The following HID1 variants were observed in gnomAD, a reference collection of about 807,000 sequenced individuals.
HID1 encodes the protein protein HID1.
HID1 carries 42 observed loss-of-function variants against 89.7 expected under a neutral mutation model. The observed-to-expected ratio is 0.47, with a 90% confidence interval of 0.37 to 0.61. HID1 has a LOEUF of 0.61. Ranked by LOEUF, HID1 falls within the 20% of genes least tolerant of loss-of-function variation. The pLI, the probability that HID1 is intolerant of heterozygous loss-of-function variation, is 0.00. For synonymous variants in HID1, 442 were observed against 433.8 expected, an observed-to-expected ratio of 1.02 and a Z score of -0.24; for missense variants, 854 against 1,039.3, an observed-to-expected ratio of 0.82 and a Z score of 2.45.
intron 3 of HID1, chr17:74,963,349 C>T (rs944912895): frequency 2.0e-6 from 1 of 507,546 alleles, no homozygotes; most frequent in African/African-American, 1.9e-5. Context: ...GAGTCTCAGC[C>T]CTGCTAGGAA....
chr17:74,958,251 T>C lies in HID1; in HGVS notation c.1393-32A>G. The C allele has an allele frequency of 6.2e-7, 1 of 1,607,482 alleles. No homozygotes were observed. Among genetic ancestry groups the C allele is most frequent in the South Asian group, 1.1e-5 (1 of 90,074 alleles). On this transcript the variant is annotated intron_variant, in intron 11 of 18. Coordinates refer to ENST00000425042, the MANE Select transcript of HID1 (RefSeq NM_030630.3). This position sits in a 1 kb window ranked among gnomAD's most constrained non-coding sequence, Gnocchi z 5.2. ...CAGGAGGGACAGAGGCACCGTGGGGTCCCCGCTGCCTCCAGACTCAGCCAA... is the reference window on the plus strand; with the variant it reads ...CAGGAGGGACAGAGGCACCGTGGGGCCCCCGCTGCCTCCAGACTCAGCCAA...
chr17:74,960,116 C>T lies in HID1; in HGVS notation c.861G>A (p.Val287=), dbSNP rs1053901232. The change falls in exon 7 of 19, where the codon GTG becomes GTA. Residue 287 remains valine (V), a synonymous_variant. Coordinates refer to ENST00000425042, the MANE Select transcript of HID1 (RefSeq NM_030630.3). The stretch of plus-strand genomic sequence containing the variant: ...TGTCGTGGTCCAAAGTGACAATGAG[C>T]ACCTGGGCAGCCTCCTCCACCAGGG... ...REPLVEEAAQ[V]LIVTLDHDSA... 11 of 1,614,024 alleles carry T rather than the reference C, an allele frequency of 6.8e-6. No individual in the cohort carries two copies. Among genetic ancestry groups the T allele is most frequent in the Admixed American group, 5.0e-5 (3 of 60,034 alleles).
chr17:74,962,934 G>T lies in HID1; in HGVS notation c.504+31C>A. 2 of 1,519,762 alleles carry T rather than the reference G, an allele frequency of 1.3e-6. No homozygotes were observed. The highest frequency in any genetic ancestry group is 1.8e-6 in the Non-Finnish European group (2 of 1,099,546). The allele number at this position is 1,519,762 out of a possible 1,614,324, so 94.1% of individuals were successfully genotyped here. On this transcript the variant is annotated intron_variant, in intron 4 of 18. Coordinates refer to ENST00000425042, the MANE Select transcript of HID1 (RefSeq NM_030630.3). This position sits in a 1 kb window ranked among gnomAD's most constrained non-coding sequence, Gnocchi z 4.3. The stretch of plus-strand genomic sequence containing the variant: ...CCAACCCAGGACCAGAGCCTACTCC[G>T]CCTGGGGGTGGGGGGCTGGGGGACA...
At chr17:74,971,070 T>G (rs936615671) in intron 1 of HID1, among the ~76,000 whole-genome samples, 1 of 152,182 alleles carries the variant, frequency 6.6e-6, no homozygotes, top group African/African-American at 2.4e-5. Flanking sequence ...CACAGTATTT[T>G]GGGGAAAAGG....
chr17:74,964,417 G>A (rs573749380), intron 2 of HID1, 66 bp downstream of exon 2: 41 of 1,530,528 alleles, frequency 2.7e-5, no homozygotes, highest in Middle Eastern at 2.0e-4. Flanking sequence ...CCCTGGATGC[G>A]CCTGCCTTCT....
chr17:74,964,900 G>A (rs1248606954), intron 1 of HID1, among the ~76,000 whole-genome samples: 1 of 152,216 alleles, frequency 6.6e-6, no homozygotes, highest in Admixed American at 6.5e-5. Context: ...CTGAGGAGGT[G>A]TGTGACCCTG....
rs1406601535 is a variant in HID1, at chr17:74,960,047, G to A, written c.930C>T (p.Gly310=). The change falls in exon 7 of 19, where the codon GGC becomes GGT. Residue 310 remains glycine, a synonymous_variant. Coordinates refer to ENST00000425042, the MANE Select transcript of HID1 (RefSeq NM_030630.3). ...TTACATCGGCATCATCCATGGCGGT[G>A]CCAGTGGTGGTGCCGTCCACAGTGG... ...ASPTVDGTTT[G]TAMDDADPPG... 2 of 1,613,550 alleles carry A rather than the reference G, an allele frequency of 1.2e-6. No homozygotes were observed. Among genetic ancestry groups the A allele is most frequent in the African/African-American group, 1.3e-5 (1 of 75,080 alleles).
chr17:74,969,915 CTTTTTTCTTTTTTTTTT>C (rs2039619662), intron 1 of HID1, among the ~76,000 whole-genome samples: 2 of 84,410 alleles, frequency 2.4e-5, no homozygotes, highest in Admixed American at 1.7e-4. Flanking sequence ...TCAGATTTTT[CTTTTTTCTTTTTTTTTT>C]TTTTTTTTGA....
Position 74,959,062 on chromosome 17 carries a change from G to C in HID1, c.1009-11C>G. ...GATGAACTGGAAGTCCTGGGGGCGA[G>C]GGCAGAGCAGGGGGCCTGTCCAGCC... On this transcript the variant is annotated splice_polypyrimidine_tract_variant and intron_variant, in intron 8 of 18. Coordinates refer to ENST00000425042, the MANE Select transcript of HID1 (RefSeq NM_030630.3). This position sits in a 1 kb window ranked among gnomAD's most constrained non-coding sequence, Gnocchi z 4.6. 1 of 1,545,242 alleles carries C rather than the reference G, an allele frequency of 6.5e-7. No homozygotes were observed. Among genetic ancestry groups the C allele is most frequent in the African/African-American group, 1.4e-5 (1 of 72,328 alleles).
In HID1 at chr17:74,951,273, G is replaced by C. The variant is rs2039293678; in HGVS notation, c.*297C>G. 2 of 475,366 alleles carry C rather than the reference G, an allele frequency of 4.2e-6. No individual in the cohort carries two copies. The highest frequency in any genetic ancestry group is 5.9e-5 in the South Asian group (2 of 33,958). The allele number at this position is 475,366 out of a possible 1,614,324, so 29.4% of individuals were successfully genotyped here. A position where few individuals can be genotyped will look rare whatever the true frequency, so the allele number is the denominator to read the frequency against. The stretch of plus-strand genomic sequence containing the variant: ...TAGCACAGGAGTGGGTGGGCACTGA[G>C]GGGCCAGCACTGAGCCAGGTCTTAA... On this transcript the variant is annotated 3_prime_UTR_variant, in exon 19 of 19. Coordinates refer to ENST00000425042, the MANE Select transcript of HID1 (RefSeq NM_030630.3).
chr17:74,961,107 G>C (rs115121029), intron 6 of HID1, among the ~76,000 whole-genome samples: 7 of 152,298 alleles, frequency 4.6e-5, no homozygotes, highest in African/African-American at 1.7e-4. Context: ...CCCTTGGAAT[G>C]TGGCTGATCG....
At chr17:74,953,704 G>A in intron 14 of HID1, 53 bp from the exon 15 acceptor site, 2 of 1,398,172 alleles carry the variant, frequency 1.4e-6, no homozygotes, top group Non-Finnish European at 2.0e-6. Flanking sequence ...GACCCTTCTA[G>A]CCCTTCCTCC....
Position 74,954,275 on chromosome 17 carries a change from T to C in HID1, c.1727A>G (p.Lys576Arg), listed in dbSNP as rs1343358308. 1 of 1,587,910 alleles carries C rather than the reference T, an allele frequency of 6.3e-7. No homozygotes were observed. The highest frequency in any genetic ancestry group is 8.6e-7 in the Non-Finnish European group (1 of 1,167,998). ...TGTCCGCCGGCGCCGCTGCAGGGCC[T>C]TGTGAATGGTGGGCGGGTCCGTGGG... ...NLPTDPPTIH[K>R]ALQRRRRTPE... Residue 576 changes from lysine (K) to arginine (R), a missense_variant, in exon 14 of 19, where the codon AAG (lysine) becomes AGG (arginine). Transcript: ENST00000425042.
Position 74,953,516 on chromosome 17 carries a change from G to T in HID1, c.1971+29C>A, listed in dbSNP as rs763904016. On this transcript the variant is annotated intron_variant, in intron 15 of 18. Transcript: ENST00000425042. The stretch of plus-strand genomic sequence containing the variant: ...AGGGAGGAAGGGAAGGGCCAGCCAC[G>T]CCCGGCTCCAGGAGTCCCCGTCACC... 1.9e-6 allele frequency: 3 copies of T among 1,588,222 alleles called. No individual in the cohort carries two copies. The African/African-American group carries it at 4.0e-5, about 21-fold the overall frequency.
At chr17:74,952,620 C>A (rs1455717930) in intron 16 of HID1, among the ~76,000 whole-genome samples, 1 of 152,206 alleles carries the variant, frequency 6.6e-6, no homozygotes, top group East Asian at 1.9e-4. Flanking sequence ...CGTGGTCAGG[C>A]AGGGACGGTA....
At chr17:74,960,304 C>T in intron 6 of HID1, 56 bp from the exon 7 acceptor site, 4 of 1,471,794 alleles carry the variant, frequency 2.7e-6, no homozygotes, top group Non-Finnish European at 2.8e-6. Flanking sequence ...AGCCCCCTGG[C>T]CACACCTCTC....
In HID1 at chr17:74,952,910, G is replaced by A. The variant is rs2039327177; in HGVS notation, c.2052+96C>T. 13 of 917,692 alleles carry A rather than the reference G, an allele frequency of 1.4e-5. No homozygotes were observed. In the South Asian group the frequency reaches 2.2e-4, roughly 16 times the overall value. The allele number at this position is 917,692 out of a possible 1,614,324, so 56.8% of individuals were successfully genotyped here. A position where few individuals can be genotyped will look rare whatever the true frequency, so the allele number is the denominator to read the frequency against. On this transcript the variant is annotated intron_variant, in intron 16 of 18. Coordinates refer to ENST00000425042, the MANE Select transcript of HID1 (RefSeq NM_030630.3). ...TCGGACATCTTGCCATCTTCACTGAGCTTCCCTGGGCCAAGGAGCCCCAAC... is the reference window on the plus strand; with the variant it reads ...TCGGACATCTTGCCATCTTCACTGAACTTCCCTGGGCCAAGGAGCCCCAAC...
rs945301919 is a variant in HID1 at position 74,959,514 on chromosome 17, C to T, written c.1008+367G>A. Among the ~76,000 whole-genome samples the T allele has an allele frequency of 1.3e-5, 2 of 152,170 alleles. No individual in the cohort carries two copies. Among genetic ancestry groups the T allele is most frequent in the Non-Finnish European group, 2.9e-5 (2 of 68,026 alleles). On this transcript the variant is annotated intron_variant, in intron 8 of 18. Coordinates refer to ENST00000425042, the MANE Select transcript of HID1 (RefSeq NM_030630.3). The surrounding 1 kb of genome is among the most constrained non-coding windows in gnomAD (Gnocchi z 4.6). ...CTGGGGTGAGAAGGCAGCTAGGGTCCTGTGTTTTAGCTGCAGAAGTTAGAA... is the reference window on the plus strand; with the variant it reads ...CTGGGGTGAGAAGGCAGCTAGGGTCTTGTGTTTTAGCTGCAGAAGTTAGAA...
intron 1 of HID1, among the ~76,000 whole-genome samples, chr17:74,968,139 G>T (rs1236914573): frequency 6.6e-6 from 1 of 151,990 alleles, no homozygotes; most frequent in South Asian, 2.1e-4. Flanking sequence ...GGTCTCTGAA[G>T]CTACTTCTTC....
Sources: allele counts gnomAD v4.1 joint callset (sites outside exome capture counted in the v4.1 genomes callset), GRCh38; gene constraint gnomAD v4.1.1; non-coding constraint Gnocchi (gnomAD v3.1); transcripts MANE v1.5; gene names NCBI Gene and HGNC (gene_info 2026-07-23, HGNC 2026-07-21).